FGF14: variants seen among roughly 807,000 people sequenced by gnomAD.
The protein encoded by FGF14 is fibroblast growth factor 14.
A neutral mutation model predicts 25.5 loss-of-function variants in FGF14; 5 were observed. The observed-to-expected ratio is 0.20, with a 90% CI of 0.10 to 0.41. FGF14 has a LOEUF of 0.41. Ranked by LOEUF, FGF14 falls within the 10% of genes least tolerant of loss-of-function variation. The pLI is 1.00. For synonymous variants in FGF14, 138 were observed against 118.3 expected (o/e 1.17, Z -1.08); for missense variants, 222 against 320.1 (o/e 0.69, Z 2.34).
intron 1 of FGF14, among the ~76,000 whole-genome samples, chr13:102,081,173 AT>A (rs1409114941): frequency 1.1e-4 from 16 of 152,378 alleles, no homozygotes; most frequent in South Asian, 8.3e-4. Context: ...TTCTCCTTCT[AT>A]TTGGCTAAAG....
At chr13:102,235,391 G>T (rs1012073107) in intron 1 of FGF14, among the ~76,000 whole-genome samples, 1 of 151,938 alleles carries the variant, frequency 6.6e-6, no homozygotes, top group South Asian at 2.1e-4. Flanking sequence ...AAAATTTTTT[G>T]CTTTGTTCTT....
chr13:102,091,634 G>T (rs1213849512), intron 1 of FGF14, among the ~76,000 whole-genome samples: 1 of 152,142 alleles, frequency 6.6e-6, no homozygotes, highest in Non-Finnish European at 1.5e-5. Flanking sequence ...TGAGCTCAGA[G>T]ATACTAGCAC....
Position 101,990,528 on chromosome 13 carries a change from G to C in FGF14, c.209-115232C>G, listed in dbSNP as rs911262774. Reference sequence around the variant, plus strand: ...AATTACATATTAACAGTTGTACTTAGTGACGGCCTCAAAGTTACTTGACTT... The same window carrying C: ...AATTACATATTAACAGTTGTACTTACTGACGGCCTCAAAGTTACTTGACTT... On this transcript the variant is annotated intron_variant, in intron 1 of 4. Coordinates refer to the FGF14 transcript ENST00000376131. Among the ~76,000 whole-genome samples the C allele has an allele frequency of 2.6e-5, 4 of 152,096 alleles. No homozygotes were observed. In the East Asian group the frequency reaches 7.7e-4, roughly 29 times the overall value.
intron 1 of FGF14, among the ~76,000 whole-genome samples, chr13:101,965,712 C>A (rs1594850960): frequency 2.0e-5 from 3 of 146,510 alleles, no homozygotes; most frequent in Admixed American, 6.9e-5. Context: ...AAGAAAAAAC[C>A]AAAAATCTAA....
At chr13:101,934,698 G>C (rs1390810944) in intron 1 of FGF14, among the ~76,000 whole-genome samples, 5 of 151,964 alleles carry the variant, frequency 3.3e-5, no homozygotes, top group Non-Finnish European at 7.4e-5. Context: ...ACAATTTTAG[G>C]GCATGCAGAT....
At chr13:101,809,308 T>A (rs925147673) in intron 3 of FGF14, among the ~76,000 whole-genome samples, 2 of 152,144 alleles carry the variant, frequency 1.3e-5, no homozygotes, top group African/African-American at 2.4e-5. Flanking sequence ...TAAAAATCTT[T>A]AACCTTATGC....
chr13:102,042,974 G>A (rs557077951), intron 1 of FGF14, among the ~76,000 whole-genome samples: 1 of 152,140 alleles, frequency 6.6e-6, no homozygotes, highest in Non-Finnish European at 1.5e-5. Flanking sequence ...TGTGCCAAGA[G>A]AATCACTGGA....
chr13:101,789,994 T>C (rs2040140589), intron 3 of FGF14, among the ~76,000 whole-genome samples: 1 of 151,862 alleles, frequency 6.6e-6, no homozygotes, highest in Admixed American at 6.6e-5. Context: ...TCCTTGCTTT[T>C]GGTCTTCAAC....
intron 1 of FGF14, among the ~76,000 whole-genome samples, chr13:102,046,777 G>A (rs526380): frequency 0.55 from 83,474 of 152,056 alleles, 25,961 homozygotes; most frequent in African/African-American, 0.84. Flanking sequence ...CATTAGCAAG[G>A]GATGATTTTA....
intron 1 of FGF14, among the ~76,000 whole-genome samples, chr13:101,978,138 G>A (rs1566524538): frequency 6.6e-6 from 1 of 152,256 alleles, no homozygotes; most frequent in East Asian, 1.9e-4. Context: ...AAATTGGGGT[G>A]CTTTTTTGTG....
chr13:102,286,956 T>G (rs527944233), intron 1 of FGF14, among the ~76,000 whole-genome samples: 1 of 150,676 alleles, frequency 6.6e-6, no homozygotes, highest in Non-Finnish European at 1.5e-5. Context: ...ACAATGGTTG[T>G]GATATTTGAG....
intron 3 of FGF14, among the ~76,000 whole-genome samples, chr13:101,855,371 A>G (rs1274150579): frequency 6.6e-6 from 1 of 152,050 alleles, no homozygotes; most frequent in African/African-American, 2.4e-5. Context: ...GCTTCTAGGT[A>G]AAACACTGAC....
At chr13:101,905,811 T>C (rs2032167606) in intron 1 of FGF14, among the ~76,000 whole-genome samples, 1 of 152,160 alleles carries the variant, frequency 6.6e-6, no homozygotes, top group African/African-American at 2.4e-5. Flanking sequence ...ACTTTTATTA[T>C]GATTAAGGAT....
At chr13:102,398,275 G>T (rs1259462734) in intron 1 of FGF14, among the ~76,000 whole-genome samples, 1 of 152,028 alleles carries the variant, frequency 6.6e-6, no homozygotes, top group African/African-American at 2.4e-5. Flanking sequence ...TAACTTTTGG[G>T]TAGATGAATA....
rs367850123 is a variant in FGF14, at chr13:102,221,253, A to C, written c.208+180218T>G. Among the ~76,000 whole-genome samples the C allele has an allele frequency of 4.6e-5, 7 of 152,322 alleles. No individual in the cohort carries two copies. The South Asian group carries it at 1.2e-3, about 27-fold the overall frequency. On this transcript the variant is annotated intron_variant, in intron 1 of 4. Coordinates refer to the FGF14 transcript ENST00000376131. ...AAAAGAGAACTAAATTTGGGGATTA[A>C]GTGATTTTTTTTCAGATGGAAATTT...
At chr13:101,910,165 G>A (rs1031047487) in intron 1 of FGF14, among the ~76,000 whole-genome samples, 10 of 151,978 alleles carry the variant, frequency 6.6e-5, no homozygotes, top group South Asian at 2.1e-4. Context: ...ACTGGGTGCA[G>A]CACACCAACA....
intron 1 of FGF14, among the ~76,000 whole-genome samples, chr13:101,936,006 T>G (rs181231733): frequency 6.6e-6 from 1 of 152,328 alleles, no homozygotes; most frequent in Admixed American, 6.5e-5. Flanking sequence ...TTTAAGGTAG[T>G]CATAGAAAGG....
intron 3 of FGF14, among the ~76,000 whole-genome samples, chr13:101,804,032 T>G (rs999681147): frequency 9.9e-5 from 15 of 151,806 alleles, no homozygotes; most frequent in African/African-American, 3.6e-4. Context: ...AACCACAATA[T>G]TTAAAGATTA....
At chr13:101,863,803 G>T (rs879428062) in intron 3 of FGF14, among the ~76,000 whole-genome samples, 1 of 152,106 alleles carries the variant, frequency 6.6e-6, no homozygotes, top group Non-Finnish European at 1.5e-5. Context: ...ACCTTGTTTT[G>T]CTAGAATTAT....
Sources: gnomAD v4.1 joint callset for allele counts (sites outside exome capture counted in the v4.1 genomes callset) on GRCh38, gnomAD v4.1.1 for gene constraint, MANE v1.5 for transcripts, NCBI Gene and HGNC (gene_info 2026-07-23, HGNC 2026-07-21) for gene names.